FLRT2: variants seen among roughly 807,000 people sequenced by gnomAD.
FLRT2 encodes the protein leucine-rich repeat transmembrane protein FLRT2.
FLRT2 carries 15 observed loss-of-function variants against 40.0 expected under a neutral mutation model. The observed-to-expected ratio is 0.38, with a 90% CI of 0.25 to 0.58. The LOEUF (loss-of-function observed/expected upper bound fraction) is 0.58. Among genes scored for constraint, FLRT2 ranks in the 20% least tolerant of loss-of-function variants. The pLI is 0.71. For missense variants in FLRT2, 726 were observed against 840.0 expected, an observed-to-expected ratio of 0.86 and a Z score of 1.68; for synonymous variants, 380 against 336.8, an observed-to-expected ratio of 1.13 and a Z score of -1.41.
At chr14:85,614,838 G>A (rs1893054478) in intron 1 of FLRT2, among the ~76,000 whole-genome samples, 1 of 152,084 alleles carries the variant, frequency 6.6e-6, no homozygotes, top group Non-Finnish European at 1.5e-5. Flanking sequence ...TAAGATGGTT[G>A]GTATCTGTTT....
rs568698750 is a variant in FLRT2 at position 85,628,191 on chromosome 14, C to G, written c.*4694C>G. The stretch of plus-strand genomic sequence containing the variant: ...AGGTATGCACACATACACAGAGCAT[C>G]TTATTTTATACTGGTGAAATCTATG... On this transcript the variant is annotated 3_prime_UTR_variant, in exon 2 of 2. Transcript: ENST00000330753. 10 of 152,276 alleles carry G rather than the reference C, an allele frequency of 6.6e-5. No individual in the cohort carries two copies. In the South Asian group the frequency reaches 2.1e-3, roughly 32 times the overall value. 9.4% of individuals were successfully genotyped at this position (152,276 alleles called of 1,614,324 possible).
chr14:85,571,997 C>T (rs950052651), intron 1 of FLRT2, among the ~76,000 whole-genome samples: 15 of 152,210 alleles, frequency 9.9e-5, no homozygotes, highest in South Asian at 4.1e-4. Flanking sequence ...CTATTATTAT[C>T]TGACAGCTGC....
rs1893957799 is a variant in FLRT2, at chr14:85,634,580, A to G, written c.*11083A>G. ...AAGTTATATTATGAAAACATGATGA[A>G]TCTTTTAAATTCTGAGTCCAATGCT... On this transcript the variant is annotated 3_prime_UTR_variant, in exon 2 of 2. Transcript: ENST00000330753. 6.6e-6 allele frequency: 1 copy of G among 152,162 alleles called. No homozygotes were observed. Among genetic ancestry groups the G allele is most frequent in the Non-Finnish European group, 1.5e-5 (1 of 68,018 alleles). The allele number at this position is 152,162 out of a possible 1,614,324, so 9.4% of individuals were successfully genotyped here. A position where few individuals can be genotyped will look rare whatever the true frequency, so the allele number is the denominator to read the frequency against.
At chr14:85,614,287 C>T (rs935384280) in intron 1 of FLRT2, among the ~76,000 whole-genome samples, 3 of 152,038 alleles carry the variant, frequency 2.0e-5, no homozygotes, top group African/African-American at 4.8e-5. Context: ...TTATTGAGTG[C>T]CTAATTGGTC....
intron 1 of FLRT2, chr14:85,551,914 T>C (rs1889650675): frequency 6.6e-6 from 1 of 152,196 alleles, no homozygotes; most frequent in African/African-American, 2.4e-5. Context: ...TATCCCTGTT[T>C]CTAGATTTCC....
rs762439446 is a variant in FLRT2 at position 85,623,373 on chromosome 14, G to T, written c.1859G>T (p.Gly620Val). The change falls in exon 2 of 2, where the codon GGA (glycine) becomes GTA (valine). Residue 620 changes from glycine to valine, a missense_variant. Physicochemically the swap from Gly to Val is moderately radical, Grantham distance 109 (BLOSUM62 -3). Transcript: ENST00000330753. ...TTAAATAACGATCAACTCCTTAAAG[G>T]AGATTTCAGACTGCAGCCCATTTAC... ...VSLNNDQLLK[G>V]DFRLQPIYTP... 6.6e-7 allele frequency: 1 copy of T among 1,522,614 alleles called. No individual in the cohort carries two copies. Among genetic ancestry groups the T allele is most frequent in the Non-Finnish European group, 8.8e-7 (1 of 1,137,810 alleles). 94.3% of individuals were successfully genotyped at this position (1,522,614 alleles called of 1,614,324 possible). A position where few individuals can be genotyped will look rare whatever the true frequency, so the allele number is the denominator to read the frequency against.
At chr14:85,573,231 C>T (rs1005920704) in intron 1 of FLRT2, among the ~76,000 whole-genome samples, 1 of 151,696 alleles carries the variant, frequency 6.6e-6, no homozygotes, top group African/African-American at 2.4e-5. Flanking sequence ...AGAGGGAGAC[C>T]CTCCCTCTCC....
At chr14:85,542,100 A>G (rs558426368) in intron 1 of FLRT2, among the ~76,000 whole-genome samples, 35 of 152,238 alleles carry the variant, frequency 2.3e-4, no homozygotes, top group Non-Finnish European at 3.8e-4. Context: ...GAATGATTAT[A>G]CCTTGCTGTG....
At position 85,650,396 on chromosome 14, in the gene FLRT2, T is replaced by A. The variant is rs965411533; in HGVS notation, c.*26899T>A. 7.2e-5 allele frequency: 11 copies of A among 152,086 alleles called. No homozygotes were observed. The highest frequency in any genetic ancestry group is 2.6e-4 in the African/African-American group (11 of 41,544). The allele number at this position is 152,086 out of a possible 1,614,324, so 9.4% of individuals were successfully genotyped here. On this transcript the variant is annotated 3_prime_UTR_variant, in exon 2 of 2. Transcript: ENST00000330753. Reference sequence around the variant, plus strand: ...TGTTGAACATTTCCACTGTTTTACATTTTTTAGTATCATAAACTATCCTTC... The same window carrying A: ...TGTTGAACATTTCCACTGTTTTACAATTTTTAGTATCATAAACTATCCTTC...
intron 1 of FLRT2, among the ~76,000 whole-genome samples, chr14:85,539,685 A>G (rs967666553): frequency 6.6e-6 from 1 of 152,204 alleles, no homozygotes; most frequent in Non-Finnish European, 1.5e-5. Context: ...ACATAAGATT[A>G]ATGTGTGTGA....
chr14:85,616,018 G>A (rs899100944), intron 1 of FLRT2, among the ~76,000 whole-genome samples: 20 of 152,132 alleles, frequency 1.3e-4, no homozygotes, highest in African/African-American at 4.6e-4. Context: ...CATGACTTTC[G>A]TGCTTTGAGT....
At position 85,621,321 on chromosome 14, in the gene FLRT2, G is replaced by A. The variant is rs1289612745; in HGVS notation, c.-194G>A. The stretch of plus-strand genomic sequence containing the variant: ...AATTTTTTGCACATGGAGGACAGCA[G>A]CAAAGAGGGCAACACAGGCTGATAA... On this transcript the variant is annotated 5_prime_UTR_variant, in exon 2 of 2. Coordinates refer to ENST00000330753, the MANE Select transcript of FLRT2 (RefSeq NM_013231.6). 2.9e-5 allele frequency: 17 copies of A among 581,642 alleles called. No homozygotes were observed. Among genetic ancestry groups the A allele is most frequent in the Non-Finnish European group, 5.0e-5 (17 of 340,104 alleles). The allele number at this position is 581,642 out of a possible 1,614,324, so 36.0% of individuals were successfully genotyped here.
At chr14:85,586,143 A>C (rs1891604618) in intron 1 of FLRT2, among the ~76,000 whole-genome samples, 1 of 148,652 alleles carries the variant, frequency 6.7e-6, no homozygotes, top group African/African-American at 2.4e-5. Context: ...TATAATACAC[A>C]TATGTATATA....
chr14:85,621,886 T>C lies in FLRT2; in HGVS notation c.372T>C (p.Ile124=). 1 of 1,609,048 alleles carries C rather than the reference T, an allele frequency of 6.2e-7. No individual in the cohort carries two copies. Among genetic ancestry groups the C allele is most frequent in the Non-Finnish European group, 8.5e-7 (1 of 1,176,854 alleles). The change falls in exon 2 of 2, where the codon ATT becomes ATC. Residue 124 remains isoleucine (I), a synonymous_variant. Transcript: ENST00000330753. The stretch of plus-strand genomic sequence containing the variant: ...TGCAGGAAAACAATATTCAGACCAT[T>C]TCACGGGCTGCTCTTGCCCAGCTCT... The part of the protein sequence containing the change: ...LHLQENNIQT[I]SRAALAQLLK...
At chr14:85,597,769 G>A (rs1018255263) in intron 1 of FLRT2, among the ~76,000 whole-genome samples, 17 of 152,204 alleles carry the variant, frequency 1.1e-4, no homozygotes, top group African/African-American at 3.9e-4. Context: ...AACAACTTGT[G>A]AGGAGTCCAG....
At position 85,645,387 on chromosome 14, in the gene FLRT2, C is replaced by T. The variant is rs1446574206; in HGVS notation, c.*21890C>T. 6.6e-6 allele frequency: 1 copy of T among 151,984 alleles called. No individual in the cohort carries two copies. The highest frequency in any genetic ancestry group is 1.5e-5 in the Non-Finnish European group (1 of 68,012). The allele number at this position is 151,984 out of a possible 1,614,324, so 9.4% of individuals were successfully genotyped here. A position where few individuals can be genotyped will look rare whatever the true frequency, so the allele number is the denominator to read the frequency against. On this transcript the variant is annotated 3_prime_UTR_variant, in exon 2 of 2. Transcript: ENST00000330753. ...TTTGTTGCTTGAGCAGGTGTTCACC[C>T]TCCCACATAAATTCATCCTACTTAA...
Position 85,645,596 on chromosome 14 carries a change from G to A in FLRT2, c.*22099G>A, listed in dbSNP as rs1894278212. The A allele has an allele frequency of 6.6e-6, 1 of 152,134 alleles. No homozygotes were observed. Among genetic ancestry groups the A allele is most frequent in the African/African-American group, 2.4e-5 (1 of 41,430 alleles). 9.4% of individuals were successfully genotyped at this position (152,134 alleles called of 1,614,324 possible). A position where few individuals can be genotyped will look rare whatever the true frequency, so the allele number is the denominator to read the frequency against. ...AAGGAGACTTAGGGAAGAAATACGT[G>A]TTAAGGATTGTTCATAAGTGGCAGA... On this transcript the variant is annotated 3_prime_UTR_variant, in exon 2 of 2. Transcript: ENST00000330753.
At chr14:85,569,944 T>C (rs1044615376) in intron 1 of FLRT2, among the ~76,000 whole-genome samples, 8 of 152,230 alleles carry the variant, frequency 5.3e-5, no homozygotes, top group Non-Finnish European at 1.2e-4. Context: ...GATGTTGGTA[T>C]GGCCATTTTG....
In FLRT2 at chr14:85,628,367, T is replaced by C. The variant is rs996559631; in HGVS notation, c.*4870T>C. On this transcript the variant is annotated 3_prime_UTR_variant, in exon 2 of 2. Coordinates refer to ENST00000330753, the MANE Select transcript of FLRT2 (RefSeq NM_013231.6). ...GTTGCCCAGGCTGGTCTCAAACTCC[T>C]AGATGCAAGCAATCATCCCACCTCG... 8.5e-5 allele frequency: 13 copies of C among 152,106 alleles called. No individual in the cohort carries two copies. The highest frequency in any genetic ancestry group is 3.1e-4 in the African/African-American group (13 of 41,432). The allele number at this position is 152,106 out of a possible 1,614,324, so 9.4% of individuals were successfully genotyped here.
Sources: gnomAD v4.1 joint callset for allele counts (sites outside exome capture counted in the v4.1 genomes callset) on GRCh38, gnomAD v4.1.1 for gene constraint, MANE v1.5 for transcripts, NCBI Gene and HGNC (gene_info 2026-07-23, HGNC 2026-07-21) for gene names.